Variants in ARHGAP17 observed in about 807,000 individuals in gnomAD.
ARHGAP17 encodes Rho GTPase activating protein 17, also known as rho GTPase-activating protein 17.
Under a neutral mutation model 99.5 loss-of-function variants are expected in ARHGAP17, and 57 were observed. The observed-to-expected ratio is 0.57, with a 90% CI of 0.46 to 0.71. The LOEUF (loss-of-function observed/expected upper bound fraction) is 0.71. Ranked by LOEUF, ARHGAP17 falls within the 30% of genes least tolerant of loss-of-function variation. The probability of loss-of-function intolerance (pLI) is 0.00; values close to 1 mark genes in which losing one functional copy is unlikely to be tolerated. For missense variants in ARHGAP17, 1,000 were observed against 1,122.4 expected (o/e 0.89, Z 1.56); for synonymous variants, 417 against 429.6 (o/e 0.97, Z 0.36).
intron 12 of ARHGAP17, among the ~76,000 whole-genome samples, chr16:24,949,711 T>G (rs1404665591): frequency 6.6e-6 from 1 of 152,182 alleles, no homozygotes; most frequent in Non-Finnish European, 1.5e-5. Context: ...AAGTGTTGAT[T>G]CTGCTGAACG....
intron 14 of ARHGAP17, among the ~76,000 whole-genome samples, chr16:24,944,230 C>T (rs570957435): frequency 6.7e-6 from 1 of 149,832 alleles, no homozygotes; most frequent in African/African-American, 2.5e-5. Context: ...AAGATCAGGC[C>T]ACTGCACTCC....
intron 1 of ARHGAP17, among the ~76,000 whole-genome samples, chr16:24,990,463 G>A (rs1348565863): frequency 6.6e-6 from 1 of 151,630 alleles, no homozygotes; most frequent in East Asian, 1.9e-4. Context: ...TCCAGTCTGG[G>A]CATCAAAGCA....
intron 3 of ARHGAP17, among the ~76,000 whole-genome samples, chr16:24,974,240 G>A (rs903131094): frequency 1.5e-4 from 23 of 152,204 alleles, no homozygotes; most frequent in African/African-American, 5.5e-4. Flanking sequence ...AAACCAGCCT[G>A]GTCAACATGG....
rs747471980 is a variant in ARHGAP17 at position 24,930,680 on chromosome 16, G to A, written c.2515+104C>T. 12 of 1,600,230 alleles carry A rather than the reference G, an allele frequency of 7.5e-6. No individual in the cohort carries two copies. The Admixed American group carries it at 1.8e-4, about 24-fold the overall frequency. On this transcript the variant is annotated intron_variant, in intron 19 of 19. Transcript: ENST00000289968. The stretch of plus-strand genomic sequence containing the variant: ...GACAGGTTTGGTTTGGCTTGCGGGT[G>A]TAGTTTGCTGACACCTGGCATAAAT...
intron 6 of ARHGAP17, among the ~76,000 whole-genome samples, chr16:24,967,849 C>T (rs2141304722): frequency 6.6e-6 from 1 of 151,990 alleles, no homozygotes; most frequent in East Asian, 1.9e-4. Context: ...AAAGCAGAGG[C>T]AGCAGTCCTG....
intron 7 of ARHGAP17, among the ~76,000 whole-genome samples, chr16:24,960,356 C>G (rs2880948): frequency 6.6e-6 from 1 of 152,236 alleles, no homozygotes; most frequent in East Asian, 1.9e-4. Context: ...ACCAGCCTGG[C>G]CAACATGGTG....
In ARHGAP17 at chr16:24,973,689, A is replaced by G. The variant is rs368397451; in HGVS notation, c.199-3109T>C. ...GTACCCATTCTGGGCCCCCCATAAA[A>G]CCCTGTGCATGTTTTATTGAGCATC... On this transcript the variant is annotated intron_variant, in intron 3 of 19. Transcript: ENST00000289968. 2.6e-5 allele frequency among the ~76,000 whole-genome samples: 4 copies of G among 151,900 alleles called. No homozygotes were observed. The East Asian group carries it at 7.7e-4, about 29-fold the overall frequency.
At chr16:24,953,127 G>T in intron 10 of ARHGAP17, 85 bp from the exon 11 acceptor site, 1 of 1,225,038 alleles carries the variant, frequency 8.2e-7, no homozygotes, top group Non-Finnish European at 1.2e-6. Flanking sequence ...GGTATTTCCT[G>T]ACTTCCGCTC....
Position 25,012,561 on chromosome 16 carries a change from A to G in ARHGAP17, c.53+2648T>C, listed in dbSNP as rs937342033. On this transcript the variant is annotated intron_variant, in intron 1 of 19. Transcript: ENST00000289968. ...TCATCTTGACCTAAAAACACCCAGA[A>G]TCCTGATTCTGGGGCCAACCAACCA... Among the ~76,000 whole-genome samples, 4 of 152,180 alleles carry G rather than the reference A, an allele frequency of 2.6e-5. No homozygotes were observed. In the South Asian group the frequency reaches 8.3e-4, roughly 32 times the overall value.
chr16:24,928,151 A>G (rs1053114292), intron 19 of ARHGAP17, among the ~76,000 whole-genome samples: 5 of 152,250 alleles, frequency 3.3e-5, no homozygotes, highest in African/African-American at 1.2e-4. Context: ...GAAAAACCCA[A>G]TGGCTACATC....
At chr16:24,976,888 C>G (rs2141350176) in intron 3 of ARHGAP17, among the ~76,000 whole-genome samples, 1 of 152,372 alleles carries the variant, frequency 6.6e-6, no homozygotes, top group Admixed American at 6.5e-5. Flanking sequence ...TACATTACTT[C>G]TACTTCAATG....
chr16:24,998,637 G>A (rs2141468000), intron 1 of ARHGAP17, among the ~76,000 whole-genome samples: 1 of 152,338 alleles, frequency 6.6e-6, no homozygotes. Flanking sequence ...CCAAGCGCTG[G>A]ACGGCAGCAT....
intron 4 of ARHGAP17, among the ~76,000 whole-genome samples, chr16:24,969,280 A>G (rs1465228365): frequency 6.6e-6 from 1 of 151,386 alleles, no homozygotes; most frequent in African/African-American, 2.4e-5. Context: ...GTACACGTGC[A>G]GTGATATAAC....
rs777068002 is a variant in ARHGAP17, at chr16:24,931,152, G to A, written c.2147C>T (p.Pro716Leu). Residue 716 changes from proline to leucine, a missense_variant, in exon 19 of 20, where the codon CCG becomes CTG. Coordinates refer to ENST00000289968, the MANE Select transcript of ARHGAP17 (RefSeq NM_001006634.3). The stretch of plus-strand genomic sequence containing the variant: ...TGGCGTGGCCTGCGTAGGGGGCTGC[G>A]GCGGTGGGTGATTGGGAGCTTGGAT... ...SPIQAPNHPP[P>L]QPPTQATPLM... 9 of 1,600,722 alleles carry A rather than the reference G, an allele frequency of 5.6e-6. No homozygotes were observed. The highest frequency in any genetic ancestry group is 3.4e-5 in the South Asian group (3 of 88,544).
intron 1 of ARHGAP17, among the ~76,000 whole-genome samples, chr16:24,992,345 CTTTTTT>C (rs755109872): frequency 6.6e-6 from 1 of 151,602 alleles, no homozygotes; most frequent in Non-Finnish European, 1.5e-5. Context: ...TTTTCTTTTT[CTTTTTT>C]TTGGAGACAG....
intron 19 of ARHGAP17, among the ~76,000 whole-genome samples, chr16:24,928,736 A>C (rs1271124995): frequency 6.6e-6 from 1 of 152,220 alleles, no homozygotes; most frequent in Admixed American, 6.5e-5. Flanking sequence ...TGATTAAAGC[A>C]GCTGTACATA....
chr16:24,978,857 G>C, intron 2 of ARHGAP17, 109 bp downstream of exon 2: 4 of 682,164 alleles, frequency 5.9e-6, no homozygotes, highest in Non-Finnish European at 8.8e-6. Flanking sequence ...ATTTTATTCT[G>C]TTTCTGGTTA....
At chr16:25,006,169 T>C (rs1430650578) in intron 1 of ARHGAP17, among the ~76,000 whole-genome samples, 3 of 151,660 alleles carry the variant, frequency 2.0e-5, no homozygotes, top group African/African-American at 4.8e-5. Context: ...AATGAGCACC[T>C]AATTAAGGTA....
intron 1 of ARHGAP17, among the ~76,000 whole-genome samples, chr16:25,011,534 A>C (rs758920825): frequency 7.4e-6 from 1 of 134,758 alleles, no homozygotes; most frequent in African/African-American, 3.8e-5. Flanking sequence ...GCAAAACCAC[A>C]TCTCTACTGA....
Sources: allele counts gnomAD v4.1 joint callset (sites outside exome capture counted in the v4.1 genomes callset), GRCh38; gene constraint gnomAD v4.1.1; transcripts MANE v1.5; gene names NCBI Gene and HGNC (gene_info 2026-07-23, HGNC 2026-07-21).